LIN28B: variants seen among roughly 807,000 people sequenced by gnomAD.
LIN28B encodes the protein lin-28 RNA binding posttranscriptional regulator B.
A neutral mutation model predicts 21.9 loss-of-function variants in LIN28B; 5 were observed. The ratio of observed to expected loss-of-function variants is 0.23; its 90% CI spans 0.12 to 0.48. The LOEUF is 0.48. Ranked by LOEUF, LIN28B falls within the 20% of genes least tolerant of loss-of-function variation. The probability of loss-of-function intolerance (pLI) is 0.98; values close to 1 mark genes in which losing one functional copy is unlikely to be tolerated. For synonymous variants in LIN28B, 109 were observed against 111.3 expected (o/e 0.98, Z 0.13); for missense variants, 245 against 310.5 (o/e 0.79, Z 1.58).
At chr6:105,003,795 G>A (rs755245853) in intron 2 of LIN28B, among the ~76,000 whole-genome samples, 3 of 152,138 alleles carry the variant, frequency 2.0e-5, no homozygotes, top group Non-Finnish European at 2.9e-5. Flanking sequence ...ACAGGCGTGA[G>A]CCACTGCACC....
chr6:104,975,817 G>A (rs1019617882), intron 2 of LIN28B, among the ~76,000 whole-genome samples: 4 of 151,242 alleles, frequency 2.6e-5, no homozygotes, highest in Middle Eastern at 3.4e-3. Context: ...ACCATGCTCA[G>A]CTAATTCTTT....
intron 2 of LIN28B, among the ~76,000 whole-genome samples, chr6:105,019,180 T>C (rs1235018196): frequency 6.6e-6 from 1 of 152,196 alleles, no homozygotes; most frequent in Non-Finnish European, 1.5e-5. Flanking sequence ...ACTCCTGATC[T>C]TAGGCAATCC....
chr6:105,062,501 A>G (rs546851032), intron 3 of LIN28B, among the ~76,000 whole-genome samples: 4 of 152,226 alleles, frequency 2.6e-5, no homozygotes, highest in Non-Finnish European at 5.9e-5. Flanking sequence ...ATTTAGAAAT[A>G]TATAAATCAA....
Position 105,010,477 on chromosome 6 carries a change from GAT to G in LIN28B, c.199-15818_199-15817del, listed in dbSNP as rs533439443. Among the ~76,000 whole-genome samples the G allele has an allele frequency of 1.9e-3, 288 of 151,872 alleles. 1 individual carries two copies. The highest frequency in any genetic ancestry group is 6.6e-3 in the African/African-American group (272 of 41,400). Reference sequence around the variant, plus strand: ...TCACTCATAAAGTATCTGTATCAAAGATATTTTTTCTAATATTTTTAAAATTT... The same window carrying G: ...TCACTCATAAAGTATCTGTATCAAAGATTTTTTCTAATATTTTTAAAATTT... On this transcript the variant is annotated intron_variant, in intron 2 of 3. Transcript: ENST00000345080.
rs4591894 is a variant in LIN28B, at chr6:105,023,569, T to A, written c.199-2729T>A. On this transcript the variant is annotated intron_variant, in intron 2 of 3. Coordinates refer to ENST00000345080, the MANE Select transcript of LIN28B (RefSeq NM_001004317.4). ...ATATATAACCTATATATATATATAA[T>A]ATATATAATATATATTATATATATT... 2.2e-3 allele frequency among the ~76,000 whole-genome samples: 12 copies of A among 5,534 alleles called. 4 individuals are homozygous for A. The highest frequency in any genetic ancestry group is 9.0e-3 in the African/African-American group (12 of 1,332). 3.6% of individuals were successfully genotyped at this position (5,534 alleles called of 152,430 possible).
intron 3 of LIN28B, among the ~76,000 whole-genome samples, chr6:105,062,156 C>A: frequency 6.6e-6 from 1 of 151,860 alleles, no homozygotes; most frequent in South Asian, 2.1e-4. Context: ...CTGCTCCTTG[C>A]GGAGCAGGGC....
At chr6:105,077,755 ATT>A (rs1230315760) in intron 3 of LIN28B, among the ~76,000 whole-genome samples, 1 of 152,220 alleles carries the variant, frequency 6.6e-6, no homozygotes, top group Admixed American at 6.5e-5. Flanking sequence ...TGATTCAGAC[ATT>A]TACTCTATTG....
At chr6:104,953,305 A>G (rs1156885001), upstream of LIN28B, among the ~76,000 whole-genome samples, 1 of 152,076 alleles carries the variant, frequency 6.6e-6, no homozygotes, top group Non-Finnish European at 1.5e-5. Flanking sequence ...AGTTTTAGGC[A>G]TGGCCCGGTG....
At position 105,007,770 on chromosome 6, in the gene LIN28B, A is replaced by G. The variant is rs540107301; in HGVS notation, c.199-18528A>G. 1.3e-4 allele frequency among the ~76,000 whole-genome samples: 19 copies of G among 151,620 alleles called. No individual in the cohort carries two copies. The South Asian group carries it at 2.9e-3, about 23-fold the overall frequency. On this transcript the variant is annotated intron_variant, in intron 2 of 3. Coordinates refer to ENST00000345080, the MANE Select transcript of LIN28B (RefSeq NM_001004317.4). ...GTCTTGAAGTGCTGGGATCATAGGC[A>G]TGAGCCAAGATGCCTGGCCCCTTTT...
At chr6:105,057,575 C>G (rs770391991) in intron 3 of LIN28B, among the ~76,000 whole-genome samples, 12 of 152,114 alleles carry the variant, frequency 7.9e-5, no homozygotes, top group African/African-American at 2.9e-4. Flanking sequence ...CTTAGTATCC[C>G]CGTGTACCTC....
At chr6:105,064,525 T>C (rs1465362316) in intron 3 of LIN28B, among the ~76,000 whole-genome samples, 1 of 152,214 alleles carries the variant, frequency 6.6e-6, no homozygotes, top group Non-Finnish European at 1.5e-5. Flanking sequence ...TGTTTTCCAC[T>C]GAAGCACAGC....
rs547763833 is a variant in LIN28B at position 105,043,294 on chromosome 6, C to T, written c.383+16812C>T. ...AAAATTAGCCGGGCATAGTGGCGCA[C>T]GCCTGTAGTCCCAGCTGCTCAAGAG... is the stretch of plus-strand genomic sequence containing the variant. On this transcript the variant is annotated intron_variant, in intron 3 of 3. Transcript: ENST00000345080. 1.2e-3 allele frequency among the ~76,000 whole-genome samples: 163 copies of T among 131,102 alleles called. 1 individual carries two copies. The highest frequency in any genetic ancestry group is 1.4e-3 in the Non-Finnish European group (87 of 64,184). 86.0% of individuals were successfully genotyped at this position (131,102 alleles called of 152,430 possible). A position where few individuals can be genotyped will look rare whatever the true frequency, so the allele number is the denominator to read the frequency against.
At chr6:104,990,787 G>A (rs912761433) in intron 2 of LIN28B, among the ~76,000 whole-genome samples, 6 of 152,064 alleles carry the variant, frequency 3.9e-5, no homozygotes, top group Non-Finnish European at 8.8e-5. Flanking sequence ...CTGCCTTCAA[G>A]CATCTGTTTA....
Position 104,989,591 on chromosome 6 carries a change from T to TG in LIN28B, c.198+31305_198+31306insG, listed in dbSNP as rs200558630. Among the ~76,000 whole-genome samples, 541 of 144,536 alleles carry TG rather than the reference T, an allele frequency of 3.7e-3. 7 individuals are homozygous for TG. Among genetic ancestry groups the TG allele is most frequent in the African/African-American group, 0.013 (524 of 39,468 alleles). 94.8% of individuals were successfully genotyped at this position (144,536 alleles called of 152,430 possible). A position where few individuals can be genotyped will look rare whatever the true frequency, so the allele number is the denominator to read the frequency against. On this transcript the variant is annotated intron_variant, in intron 2 of 3. Coordinates refer to ENST00000345080, the MANE Select transcript of LIN28B (RefSeq NM_001004317.4). Reference sequence around the variant, plus strand: ...TTTTACTTGGGTTTTTTTTTTTTTTTTTTTTTTTTTGCATTTTTTTGAGAC... The same window carrying TG: ...TTTTACTTGGGTTTTTTTTTTTTTTTGTTTTTTTTTTGCATTTTTTTGAGAC...
At chr6:105,014,640 C>T (rs1373865706) in intron 2 of LIN28B, among the ~76,000 whole-genome samples, 3 of 151,978 alleles carry the variant, frequency 2.0e-5, no homozygotes, top group Admixed American at 1.3e-4. Context: ...CTTTTTATAG[C>T]GACAGGGTTT....
intron 3 of LIN28B, among the ~76,000 whole-genome samples, chr6:105,076,339 A>G (rs1582935642): frequency 6.6e-6 from 1 of 152,182 alleles, no homozygotes; most frequent in African/African-American, 2.4e-5. Context: ...TAAAGTATAT[A>G]AGGTAATATT....
In LIN28B at chr6:104,989,937, T is replaced by G. The variant is rs528907201; in HGVS notation, c.198+31651T>G. On this transcript the variant is annotated intron_variant, in intron 2 of 3. Coordinates refer to ENST00000345080, the MANE Select transcript of LIN28B (RefSeq NM_001004317.4). ...GGTTATTGATTTTAAACGCTTCTTT[T>G]CTGTAAATGCATTTAAAGCTATTCA... Among the ~76,000 whole-genome samples, 7 of 152,296 alleles carry G rather than the reference T, an allele frequency of 4.6e-5. No homozygotes were observed. The East Asian group carries it at 1.2e-3, about 25-fold the overall frequency.
At chr6:105,070,592 CCACACACACACACACA>C (rs752057191) in intron 3 of LIN28B, among the ~76,000 whole-genome samples, 23 of 92,224 alleles carry the variant, frequency 2.5e-4, no homozygotes, top group East Asian at 5.8e-4. Context: ...ATCAATAAAA[CCACACACACACACACA>C]CACACACACA....
intron 3 of LIN28B, among the ~76,000 whole-genome samples, chr6:105,073,677 T>C (rs1456187275): frequency 6.6e-6 from 1 of 152,200 alleles, no homozygotes; most frequent in Non-Finnish European, 1.5e-5. Flanking sequence ...AATCCTAAGA[T>C]ACATTTTTTT....
Sources: gnomAD v4.1 joint callset for allele counts (sites outside exome capture counted in the v4.1 genomes callset) on GRCh38, gnomAD v4.1.1 for gene constraint, MANE v1.5 for transcripts, NCBI Gene and HGNC (gene_info 2026-07-23, HGNC 2026-07-21) for gene names.